The following PCDH9 variants were observed in gnomAD, a reference collection of about 807,000 sequenced individuals.
PCDH9 encodes protocadherin 9.
In PCDH9, 24 loss-of-function variants were observed where a neutral mutation model predicts 70.6. That is an observed-to-expected ratio of 0.34 (90% CI 0.25 to 0.48). PCDH9 has a LOEUF of 0.48. PCDH9 is among the 20% of genes least tolerant of loss of function. PCDH9 has a pLI of 0.99. For missense variants in PCDH9, 1,281 were observed against 1,503.6 expected (o/e 0.85, Z 2.45); for synonymous variants, 562 against 558.5 (o/e 1.01, Z -0.09).
At chr13:67,084,745 G>GA (rs1432883110) in intron 2 of PCDH9, among the ~76,000 whole-genome samples, 3 of 151,428 alleles carry the variant, frequency 2.0e-5, no homozygotes, top group East Asian at 2.0e-4. Context: ...TGAGGGGGGG[G>GA]ATCACGAGGT....
chr13:66,664,994 C>T (rs1462740952), intron 3 of PCDH9, among the ~76,000 whole-genome samples: 1 of 152,092 alleles, frequency 6.6e-6, no homozygotes, highest in Non-Finnish European at 1.5e-5. Flanking sequence ...AGCTTTGAAG[C>T]CCCCAATGGA....
chr13:66,614,222 T>G (rs914590115), intron 4 of PCDH9, among the ~76,000 whole-genome samples: 1 of 152,150 alleles, frequency 6.6e-6, no homozygotes, highest in Non-Finnish European at 1.5e-5. Context: ...TGGCCTAGGG[T>G]TAAAGGATTG....
chr13:66,420,260 A>G (rs1040917544), intron 4 of PCDH9, among the ~76,000 whole-genome samples: 7 of 152,222 alleles, frequency 4.6e-5, no homozygotes, highest in Admixed American at 1.3e-4. Context: ...TCAGACTTAA[A>G]CGTTCCTGCC....
chr13:67,147,443 G>A (rs974198429), intron 2 of PCDH9, among the ~76,000 whole-genome samples: 1 of 152,144 alleles, frequency 6.6e-6, no homozygotes, highest in African/African-American at 2.4e-5. Context: ...ATGCTGTTTG[G>A]TTACAATCTA....
intron 4 of PCDH9, among the ~76,000 whole-genome samples, chr13:66,622,254 C>T (rs2077432814): frequency 6.6e-6 from 1 of 152,198 alleles, no homozygotes; most frequent in Non-Finnish European, 1.5e-5. Flanking sequence ...CCTGTGCGGC[C>T]GAGGAGCCTA....
chr13:66,680,868 TAGC>T (rs1259498697), intron 3 of PCDH9, among the ~76,000 whole-genome samples: 3 of 151,942 alleles, frequency 2.0e-5, no homozygotes, highest in Non-Finnish European at 4.4e-5. Flanking sequence ...AAAGAGAAAA[TAGC>T]AGTAATATTA....
intron 3 of PCDH9, among the ~76,000 whole-genome samples, chr13:66,673,779 T>C (rs1185428386): frequency 6.6e-6 from 1 of 152,212 alleles, no homozygotes; most frequent in African/African-American, 2.4e-5. Context: ...AGTCACTACA[T>C]AGGCCCAATA....
intron 4 of PCDH9, among the ~76,000 whole-genome samples, chr13:66,413,885 C>A (rs1488665077): frequency 6.6e-6 from 1 of 151,880 alleles, no homozygotes; most frequent in Non-Finnish European, 1.5e-5. Context: ...AGCACTATGG[C>A]CAAAGCAGCT....
chr13:66,893,244 A>G (rs980404099), intron 3 of PCDH9, among the ~76,000 whole-genome samples: 2 of 152,178 alleles, frequency 1.3e-5, no homozygotes, highest in African/African-American at 4.8e-5. Flanking sequence ...CATGAAACAT[A>G]TATCAATAAA....
intron 4 of PCDH9, among the ~76,000 whole-genome samples, chr13:66,589,687 T>A (rs571312516): frequency 1.2e-4 from 19 of 152,036 alleles, no homozygotes; most frequent in Admixed American, 1.2e-3. Flanking sequence ...GGAGCAGCGA[T>A]GAATCCTTCC....
chr13:66,845,884 G>C lies in PCDH9; in HGVS notation c.3138+57620C>G, dbSNP rs1027645850. The stretch of plus-strand genomic sequence containing the variant: ...TTAATACTACTACTAATAATAAATA[G>C]TTACAACATGCATAAATATACTTTA... On this transcript the variant is annotated intron_variant, in intron 3 of 4. Coordinates refer to ENST00000377865, the MANE Select transcript of PCDH9 (RefSeq NM_203487.3). Among the ~76,000 whole-genome samples the C allele has an allele frequency of 4.6e-5, 7 of 152,170 alleles. No homozygotes were observed. The East Asian group carries it at 7.7e-4, about 17-fold the overall frequency.
intron 2 of PCDH9, among the ~76,000 whole-genome samples, chr13:66,919,265 AT>A (rs997769176): frequency 6.6e-6 from 1 of 151,250 alleles, no homozygotes; most frequent in African/African-American, 2.4e-5. Context: ...CAAACAAAAT[AT>A]TTTTTGCTAA....
chr13:67,012,021 TG>T (rs1329059781), intron 2 of PCDH9, among the ~76,000 whole-genome samples: 5 of 151,898 alleles, frequency 3.3e-5, no homozygotes, highest in African/African-American at 1.2e-4. Context: ...GACCTCGCCT[TG>T]AATAGAGTAT....
intron 4 of PCDH9, among the ~76,000 whole-genome samples, chr13:66,361,183 T>C (rs975850934): frequency 2.6e-5 from 4 of 152,106 alleles, no homozygotes; most frequent in Admixed American, 2.0e-4. Flanking sequence ...ACTTTACTCA[T>C]CCAACAGGAA....
intron 2 of PCDH9, among the ~76,000 whole-genome samples, chr13:67,022,273 C>A (rs909632939): frequency 1.3e-5 from 2 of 151,640 alleles, no homozygotes; most frequent in African/African-American, 2.4e-5. Context: ...CAGGTATGCA[C>A]CACCACGCCT....
intron 3 of PCDH9, among the ~76,000 whole-genome samples, chr13:66,745,133 A>T (rs190130853): frequency 6.6e-6 from 1 of 152,194 alleles, no homozygotes; most frequent in Non-Finnish European, 1.5e-5. Context: ...TTGAAGACCA[A>T]GTTGATGAAG....
At chr13:67,169,599 C>T (rs2138440526) in intron 2 of PCDH9, among the ~76,000 whole-genome samples, 1 of 152,192 alleles carries the variant, frequency 6.6e-6, no homozygotes, top group East Asian at 1.9e-4. Flanking sequence ...GTAAGCTAAA[C>T]AATGTTTTAA....
chr13:67,045,954 C>G (rs954926430), intron 2 of PCDH9, among the ~76,000 whole-genome samples: 3 of 151,998 alleles, frequency 2.0e-5, no homozygotes, highest in African/African-American at 4.8e-5. Context: ...GATACTTGAG[C>G]ATTTTAATAA....
intron 4 of PCDH9, among the ~76,000 whole-genome samples, chr13:66,585,734 C>T (rs1455862625): frequency 6.6e-6 from 1 of 152,138 alleles, no homozygotes; most frequent in Non-Finnish European, 1.5e-5. Context: ...TGTGATGACA[C>T]TGGTCTTTTT....
Sources: gnomAD v4.1 joint callset for allele counts (sites outside exome capture counted in the v4.1 genomes callset) on GRCh38, gnomAD v4.1.1 for gene constraint, MANE v1.5 for transcripts, NCBI Gene and HGNC (gene_info 2026-07-23, HGNC 2026-07-21) for gene names.